GGH: variants seen among roughly 807,000 people sequenced by gnomAD.
GGH encodes the protein gamma-Glu-X carboxypeptidase.
A neutral mutation model predicts 39.2 loss-of-function variants in GGH; 18 were observed. The observed-to-expected ratio is 0.46, with a 90% CI of 0.32 to 0.68. The LOEUF (loss-of-function observed/expected upper bound fraction) is 0.68. GGH is among the 30% of genes least tolerant of loss of function. The pLI is 0.04. For synonymous variants in GGH, 147 were observed against 138.8 expected, an observed-to-expected ratio of 1.06 and a Z score of -0.42; for missense variants, 367 against 384.1, an observed-to-expected ratio of 0.96 and a Z score of 0.37.
rs200731720 is a variant in GGH at position 63,027,166 on chromosome 8, A to G, written c.360+15T>C. On this transcript the variant is annotated intron_variant, in intron 4 of 8. Coordinates refer to ENST00000260118, the MANE Select transcript of GGH (RefSeq NM_003878.3). ...AGAAACCCATCTGGAATAATAAGCA[A>G]TAACTGATATTTACCTGTATGGACA... 8.3e-5 allele frequency: 98 copies of G among 1,174,044 alleles called. No individual in the cohort carries two copies. In the East Asian group the frequency reaches 2.2e-3, roughly 26 times the overall value. The allele number at this position is 1,174,044 out of a possible 1,614,324, so 72.7% of individuals were successfully genotyped here. A position where few individuals can be genotyped will look rare whatever the true frequency, so the allele number is the denominator to read the frequency against.
chr8:63,035,274 TA>T (rs1804884119), intron 2 of GGH, among the ~76,000 whole-genome samples: 1 of 152,180 alleles, frequency 6.6e-6, no homozygotes, highest in African/African-American at 2.4e-5. Context: ...AATGTAATCA[TA>T]AGAGAGAAAG....
At chr8:63,024,696 C>T (rs1274090097) in intron 5 of GGH, 1 of 152,288 alleles carries the variant, frequency 6.6e-6, no homozygotes, top group Non-Finnish European at 1.5e-5. Context: ...AGTGGTCAAC[C>T]CTGAAGGTTC....
intron 1 of GGH, among the ~76,000 whole-genome samples, chr8:63,037,837 T>C (rs1254654433): frequency 1.3e-5 from 2 of 152,206 alleles, no homozygotes; most frequent in East Asian, 1.9e-4. Context: ...AGCAACCCAT[T>C]TGAAAACTGG....
chr8:63,019,059 C>T (rs1010285312), intron 7 of GGH, among the ~76,000 whole-genome samples: 1 of 152,048 alleles, frequency 6.6e-6, no homozygotes, highest in Non-Finnish European at 1.5e-5. Flanking sequence ...AGCAAATTTA[C>T]GGTGAAGCTT....
chr8:63,017,307 T>C, intron 8 of GGH, 186 bp downstream of exon 8: 1 of 484,170 alleles, frequency 2.1e-6, no homozygotes, highest in South Asian at 3.8e-5. Flanking sequence ...TGTCCTGGTT[T>C]TATTAGAATA....
chr8:63,030,275 G>A (rs1804779091), intron 2 of GGH, 58 bp from the exon 3 acceptor site: 10 of 816,964 alleles, frequency 1.2e-5, no homozygotes, highest in Non-Finnish European at 1.9e-5. Context: ...ACCTCTAAAT[G>A]AAGTCTCCAC....
chr8:63,037,310 G>T (rs577883447), intron 1 of GGH, among the ~76,000 whole-genome samples: 66 of 152,246 alleles, frequency 4.3e-4, no homozygotes, highest in African/African-American at 1.6e-3. Context: ...GTGGTACAGG[G>T]TACATGGGGT....
chr8:63,033,983 TTA>T (rs10671033), intron 2 of GGH, among the ~76,000 whole-genome samples: 24,453 of 143,152 alleles, frequency 0.17, 2,171 homozygotes, highest in South Asian at 0.27. Context: ...TTGTCTCTCC[TTA>T]TATATATATA....
chr8:63,018,185 CAG>C (rs1172255832), intron 7 of GGH, among the ~76,000 whole-genome samples: 1 of 152,020 alleles, frequency 6.6e-6, no homozygotes, highest in African/African-American at 2.4e-5. Context: ...AGAAGGGAAA[CAG>C]AGCTGTTGAC....
intron 7 of GGH, among the ~76,000 whole-genome samples, chr8:63,019,425 G>C (rs1033692881): frequency 6.6e-6 from 1 of 152,122 alleles, no homozygotes; most frequent in Non-Finnish European, 1.5e-5. Context: ...AGCTTTCAAT[G>C]GACATTTTTA....
chr8:63,021,362 G>T (rs563346059), intron 7 of GGH, among the ~76,000 whole-genome samples: 4 of 152,228 alleles, frequency 2.6e-5, no homozygotes, highest in Admixed American at 6.5e-5. Flanking sequence ...ATTTCATTAA[G>T]ATATTTTTTA....
rs191337217 is a variant in GGH at position 63,024,917 on chromosome 8, C to T, written c.500-731G>A. 1.2e-4 allele frequency: 18 copies of T among 152,268 alleles called. 1 individual carries two copies. The highest frequency in any genetic ancestry group is 4.3e-4 in the African/African-American group (18 of 41,556). 9.4% of individuals were successfully genotyped at this position (152,268 alleles called of 1,614,324 possible). ...CTGACCTAATACATGTACTTCCCAC[C>T]AGGTTTTTGCAATTATTAAGTGAGA... On this transcript the variant is annotated intron_variant, in intron 5 of 8. Coordinates refer to ENST00000260118, the MANE Select transcript of GGH (RefSeq NM_003878.3).
rs1245606436 is a variant in GGH at position 63,024,116 on chromosome 8, C to CA, written c.569dup (p.Thr191AspfsTer6). The CA allele has an allele frequency of 3.1e-6, 5 of 1,609,696 alleles. No individual in the cohort carries two copies. Among genetic ancestry groups the CA allele is most frequent in the Non-Finnish European group, 4.3e-6 (5 of 1,176,258 alleles). ...GGCTCCACTTATGGAAATTGGCAGT[C>CA]AGAGGTTCTACTGCTAATGACAGCA... On this transcript the variant is annotated frameshift_variant, in exon 6 of 9. Coordinates refer to ENST00000260118, the MANE Select transcript of GGH (RefSeq NM_003878.3). LOFTEE classifies it high-confidence loss of function.
chr8:63,032,976 C>G (rs901646918), intron 2 of GGH, among the ~76,000 whole-genome samples: 2 of 152,194 alleles, frequency 1.3e-5, no homozygotes, highest in African/African-American at 4.8e-5. Context: ...ACCTATCATT[C>G]CCACACCACC....
intron 7 of GGH, among the ~76,000 whole-genome samples, chr8:63,018,819 T>C (rs868057598): frequency 6.6e-6 from 1 of 152,234 alleles, no homozygotes; most frequent in Non-Finnish European, 1.5e-5. Flanking sequence ...TAATGCTTCA[T>C]GCGTTGGAAA....
chr8:63,027,078 G>A (rs1804700161), intron 4 of GGH, 103 bp downstream of exon 4: 1 of 744,208 alleles, frequency 1.3e-6, no homozygotes, highest in Non-Finnish European at 2.4e-6. Flanking sequence ...ATGAGGCTAA[G>A]GGTAATTTTG....
intron 5 of GGH, among the ~76,000 whole-genome samples, chr8:63,025,684 T>C (rs1169746561): frequency 2.6e-5 from 4 of 152,026 alleles, no homozygotes; most frequent in Non-Finnish European, 5.9e-5. Flanking sequence ...TGAGCCGAGA[T>C]TGCGTCACTG....
intron 7 of GGH, 151 bp downstream of exon 7, chr8:63,023,756 A>C: frequency 2.1e-6 from 1 of 475,688 alleles, no homozygotes. Context: ...TTAATTTGAA[A>C]CATGGACAAA....
chr8:63,031,152 G>C (rs1047937624), intron 2 of GGH, among the ~76,000 whole-genome samples: 75 of 152,278 alleles, frequency 4.9e-4, no homozygotes, highest in African/African-American at 1.7e-3. Flanking sequence ...AGAAGTTTTA[G>C]GGGGAGGTAA....
Sources: allele counts gnomAD v4.1 joint callset (sites outside exome capture counted in the v4.1 genomes callset), GRCh38; gene constraint gnomAD v4.1.1; transcripts MANE v1.5; gene names NCBI Gene and HGNC (gene_info 2026-07-23, HGNC 2026-07-21).